DGKH: variants seen among roughly 807,000 people sequenced by gnomAD.
DGKH encodes the protein diacylglycerol kinase eta.
In DGKH, 90 loss-of-function variants were observed where a neutral mutation model predicts 159.3. The ratio of observed to expected loss-of-function variants is 0.57; its 90% confidence interval spans 0.48 to 0.67. The LOEUF (loss-of-function observed/expected upper bound fraction) is 0.67. Among genes scored for constraint, DGKH ranks in the 30% least tolerant of loss-of-function variants. The pLI is 0.00. For missense variants in DGKH, 1,181 were observed against 1,506.1 expected, an observed-to-expected ratio of 0.78 and a Z score of 3.57; for synonymous variants, 536 against 553.8, an observed-to-expected ratio of 0.97 and a Z score of 0.45.
At chr13:42,057,261 A>C (rs1881833484) in intron 1 of DGKH, among the ~76,000 whole-genome samples, 1 of 152,194 alleles carries the variant, frequency 6.6e-6, no homozygotes, top group African/African-American at 2.4e-5. Context: ...ATGGCCTATT[A>C]AAACATATTT....
rs544786241 is a variant in DGKH at position 42,232,745 on chromosome 13, A to G, written c.*3557A>G. On this transcript the variant is annotated 3_prime_UTR_variant, in exon 30 of 30. Coordinates refer to ENST00000337343, the MANE Select transcript of DGKH (RefSeq NM_178009.5). Reference sequence around the variant, plus strand: ...ATTAGGTCATTTGGGATTGTGATATATATTGTTCTTGCTGACAAGAAATGA... The same window carrying G: ...ATTAGGTCATTTGGGATTGTGATATGTATTGTTCTTGCTGACAAGAAATGA... 26 of 152,334 alleles carry G rather than the reference A, an allele frequency of 1.7e-4. 1 individual carries two copies. Among genetic ancestry groups the G allele is most frequent in the African/African-American group, 5.8e-4 (24 of 41,578 alleles). The allele number at this position is 152,334 out of a possible 1,614,324, so 9.4% of individuals were successfully genotyped here.
At chr13:42,051,135 A>G (rs556308456) in intron 1 of DGKH, among the ~76,000 whole-genome samples, 2 of 152,106 alleles carry the variant, frequency 1.3e-5, no homozygotes, top group African/African-American at 2.4e-5. Context: ...GTGATTTTCT[A>G]TCTGACTTTC....
intron 11 of DGKH, among the ~76,000 whole-genome samples, 137 bp from the exon 12 acceptor site, chr13:42,173,905 TGGTTGTTTTAAGATAAAA>T (rs1258286925): frequency 6.6e-6 from 1 of 152,134 alleles, no homozygotes; most frequent in African/African-American, 2.4e-5. Context: ...TTCCCATTTT[TGGTTGTTTTAAGATAAAA>T]TAAACCATAG....
intron 20 of DGKH, among the ~76,000 whole-genome samples, chr13:42,203,272 G>A (rs142824027): frequency 7.9e-5 from 12 of 152,110 alleles, no homozygotes; most frequent in South Asian, 4.1e-4. Flanking sequence ...TATTCAGTTC[G>A]GAAGAGTAAA....
At chr13:42,169,087 A>G (rs1244852924) in intron 11 of DGKH, among the ~76,000 whole-genome samples, 1 of 152,198 alleles carries the variant, frequency 6.6e-6, no homozygotes, top group Non-Finnish European at 1.5e-5. Flanking sequence ...ACAGAAGGCT[A>G]TGTTACTACT....
intron 1 of DGKH, among the ~76,000 whole-genome samples, chr13:42,096,201 A>G (rs1309431833): frequency 6.6e-6 from 1 of 151,828 alleles, no homozygotes; most frequent in East Asian, 1.9e-4. Flanking sequence ...TCACCCAGGT[A>G]CTGAACACAG....
At chr13:42,205,388 A>G (rs1350018558) in intron 20 of DGKH, among the ~76,000 whole-genome samples, 1 of 152,238 alleles carries the variant, frequency 6.6e-6, no homozygotes, top group African/African-American at 2.4e-5. Context: ...TTATGAGAGA[A>G]GGTAACAGTT....
At position 42,242,037 on chromosome 13, in the gene DGKH, T is replaced by TC. The variant is rs1329519395; in HGVS notation, c.*12850dup. ...TTAAGTATCATCCATTTCTATGTTC[T>TC]CTAGCAAAAGAAAATTCTTAGTGTG... On this transcript the variant is annotated 3_prime_UTR_variant, in exon 30 of 30. Coordinates refer to ENST00000337343, the MANE Select transcript of DGKH (RefSeq NM_178009.5). 6.6e-6 allele frequency: 1 copy of TC among 152,222 alleles called. No individual in the cohort carries two copies. The highest frequency in any genetic ancestry group is 1.9e-4 in the East Asian group (1 of 5,200). 9.4% of individuals were successfully genotyped at this position (152,222 alleles called of 1,614,324 possible).
chr13:42,234,709 A>G lies in DGKH; in HGVS notation c.*5521A>G, dbSNP rs1958380932. 1 of 152,166 alleles carries G rather than the reference A, an allele frequency of 6.6e-6. No individual in the cohort carries two copies. The highest frequency in any genetic ancestry group is 2.4e-5 in the African/African-American group (1 of 41,450). The allele number at this position is 152,166 out of a possible 1,614,324, so 9.4% of individuals were successfully genotyped here. A position where few individuals can be genotyped will look rare whatever the true frequency, so the allele number is the denominator to read the frequency against. ...CCACTAGTAATTGTTAGCCAATAGA[A>G]TAGCCTCCCAGAGCAGTCCCCACAG... On this transcript the variant is annotated 3_prime_UTR_variant, in exon 30 of 30. Transcript: ENST00000337343.
Position 42,235,068 on chromosome 13 carries a change from A to G in DGKH, c.*5880A>G, listed in dbSNP as rs1305484566. The G allele has an allele frequency of 6.6e-6, 1 of 152,206 alleles. No individual in the cohort carries two copies. The highest frequency in any genetic ancestry group is 1.5e-5 in the Non-Finnish European group (1 of 68,030). The allele number at this position is 152,206 out of a possible 1,614,324, so 9.4% of individuals were successfully genotyped here. A position where few individuals can be genotyped will look rare whatever the true frequency, so the allele number is the denominator to read the frequency against. ...ATTGTAGAGAACAGAGAGATCAAAG[A>G]CAGCTGGACTGTACCTGTTTGTGTA... is the stretch of plus-strand genomic sequence containing the variant. On this transcript the variant is annotated 3_prime_UTR_variant, in exon 30 of 30. Transcript: ENST00000337343.
chr13:42,229,640 A>T lies in DGKH; in HGVS notation c.*452A>T, dbSNP rs540611127. On this transcript the variant is annotated 3_prime_UTR_variant, in exon 30 of 30. Coordinates refer to ENST00000337343, the MANE Select transcript of DGKH (RefSeq NM_178009.5). ...CATAGGTTAGGAGACTAAAATATAAATTAAGTTGTGATTTGAATGTAGATT... is the reference window on the plus strand; with the variant it reads ...CATAGGTTAGGAGACTAAAATATAATTTAAGTTGTGATTTGAATGTAGATT... 1 of 153,690 alleles carries T rather than the reference A, an allele frequency of 6.5e-6. No individual in the cohort carries two copies. Among genetic ancestry groups the T allele is most frequent in the East Asian group, 1.9e-4 (1 of 5,350 alleles). The allele number at this position is 153,690 out of a possible 1,614,324, so 9.5% of individuals were successfully genotyped here. A position where few individuals can be genotyped will look rare whatever the true frequency, so the allele number is the denominator to read the frequency against.
intron 1 of DGKH, among the ~76,000 whole-genome samples, chr13:42,065,666 T>A (rs1204640496): frequency 6.6e-6 from 1 of 152,010 alleles, no homozygotes; most frequent in Non-Finnish European, 1.5e-5. Context: ...CTGGGGGTAG[T>A]TGAAGGGAGA....
intron 3 of DGKH, among the ~76,000 whole-genome samples, chr13:42,151,664 A>G (rs1325087486): frequency 6.6e-6 from 1 of 150,418 alleles, no homozygotes; most frequent in Non-Finnish European, 1.5e-5. Context: ...TATATATATC[A>G]CATTTTCTTT....
chr13:42,206,673 T>G (rs959057356), intron 21 of DGKH, among the ~76,000 whole-genome samples: 4 of 152,126 alleles, frequency 2.6e-5, no homozygotes, highest in African/African-American at 9.7e-5. Context: ...GTCTCGAGGC[T>G]GCCCACATTC....
intron 24 of DGKH, among the ~76,000 whole-genome samples, chr13:42,211,730 A>G (rs778886348): frequency 6.6e-5 from 10 of 151,932 alleles, no homozygotes; most frequent in Non-Finnish European, 4.4e-5. Context: ...GGTTTAATAG[A>G]CTCACAGCTC....
chr13:42,111,791 C>A (rs1045381398), intron 1 of DGKH, among the ~76,000 whole-genome samples: 6 of 152,134 alleles, frequency 3.9e-5, no homozygotes, highest in African/African-American at 1.4e-4. Context: ...TTAGGTCTCG[C>A]GGGGCAGACA....
At chr13:42,077,280 TG>T (rs75945754) in intron 1 of DGKH, among the ~76,000 whole-genome samples, 94,489 of 151,744 alleles carry the variant, frequency 0.62, 29,708 homozygotes, top group Non-Finnish European at 0.68. Context: ...GTTTTCCTGA[TG>T]TGGTTTAGAT....
rs368665501 is a variant in DGKH at position 42,048,982 on chromosome 13, G to T, written c.192+17G>T. On this transcript the variant is annotated intron_variant, in intron 1 of 29. Transcript: ENST00000337343. This position sits in a 1 kb window ranked among gnomAD's most constrained non-coding sequence, Gnocchi z 6.7. The stretch of plus-strand genomic sequence containing the variant: ...CGGACCAAGGTAGGGCGGAGGAGGC[G>T]GGCCTGAGGGCCGCGTGGAAAGCGG... 1 of 1,270,732 alleles carries T rather than the reference G, an allele frequency of 7.9e-7. No individual in the cohort carries two copies. Among genetic ancestry groups the T allele is most frequent in the Non-Finnish European group, 1.0e-6 (1 of 1,000,352 alleles). The allele number at this position is 1,270,732 out of a possible 1,614,324, so 78.7% of individuals were successfully genotyped here.
chr13:42,112,323 C>T (rs1954879316), intron 1 of DGKH, among the ~76,000 whole-genome samples: 1 of 124,092 alleles, frequency 8.1e-6, no homozygotes, highest in South Asian at 2.6e-4. Flanking sequence ...GTTCTGTTGC[C>T]CAGGCTGGAG....
Sources: allele counts gnomAD v4.1 joint callset (sites outside exome capture counted in the v4.1 genomes callset), GRCh38; gene constraint gnomAD v4.1.1; non-coding constraint Gnocchi (gnomAD v3.1); transcripts MANE v1.5; gene names NCBI Gene and HGNC (gene_info 2026-07-23, HGNC 2026-07-21).